TBC1D10A: variants seen among roughly 807,000 people sequenced by gnomAD.
TBC1D10A encodes TBC1 domain family member 10A.
A neutral mutation model predicts 52.9 loss-of-function variants in TBC1D10A; 24 were observed. The observed-to-expected ratio is 0.45, with a 90% CI of 0.33 to 0.64. The LOEUF is 0.64. Ranked by LOEUF, TBC1D10A falls within the 30% of genes least tolerant of loss-of-function variation. The pLI, the probability that TBC1D10A is intolerant of heterozygous loss-of-function variation, is 0.02. For synonymous variants in TBC1D10A, 278 were observed against 282.9 expected, an observed-to-expected ratio of 0.98 and a Z score of 0.17; for missense variants, 602 against 687.9, an observed-to-expected ratio of 0.88 and a Z score of 1.40.
At chr22:30,303,306 T>TAGACAGATAGACAGAC (rs1555973499) in intron 2 of TBC1D10A, among the ~76,000 whole-genome samples, 1 of 148,916 alleles carries the variant, frequency 6.7e-6, no homozygotes, top group African/African-American at 2.5e-5. Flanking sequence ...GATAGATAGA[T>TAGACAGATAGACAGAC]AGACAGACAG....
In TBC1D10A at chr22:30,316,461, G is replaced by T. The variant is rs201723572; in HGVS notation, c.209+10212C>A. ...TTCTCAAAGCACTGTTTTTGTTTTT[G>T]TTTTTTTTTTTTTGAGATAGGGTCT... On this transcript the variant is annotated intron_variant, in intron 1 of 8. Coordinates refer to ENST00000215790, the MANE Select transcript of TBC1D10A (RefSeq NM_031937.3). Among the ~76,000 whole-genome samples, 13 of 143,108 alleles carry T rather than the reference G, an allele frequency of 9.1e-5. 1 individual carries two copies. The highest frequency in any genetic ancestry group is 4.4e-4 in the South Asian group (2 of 4,512). The allele number at this position is 143,108 out of a possible 152,430, so 93.9% of individuals were successfully genotyped here.
chr22:30,321,536 G>A (rs1430692987), intron 1 of TBC1D10A, among the ~76,000 whole-genome samples: 2 of 152,230 alleles, frequency 1.3e-5, no homozygotes, highest in Non-Finnish European at 2.9e-5. Flanking sequence ...GGCTAGTAAT[G>A]AAAGGCCCAG....
At chr22:30,304,793 G>C in intron 1 of TBC1D10A, 163 bp from the exon 2 acceptor site, 1 of 1,337,252 alleles carries the variant, frequency 7.5e-7, no homozygotes, top group Non-Finnish European at 9.8e-7. Context: ...AGATGAGAGG[G>C]AACACGCCAC....
Position 30,292,759 on chromosome 22 carries a change from G to A in TBC1D10A, c.1143C>T (p.Cys381=). The A allele has an allele frequency of 6.2e-7, 1 of 1,611,972 alleles. No individual in the cohort carries two copies. Among genetic ancestry groups the A allele is most frequent in the Non-Finnish European group, 8.5e-7 (1 of 1,179,722 alleles). The change falls in exon 9 of 9, where the codon TGC becomes TGT. Residue 381 remains cysteine, a synonymous_variant. Coordinates refer to ENST00000215790, the MANE Select transcript of TBC1D10A (RefSeq NM_031937.3). The part of the protein sequence containing the change: ...RWQETRGELQ[C]RSPPRLHGAK... ...CACCATGCAGCCTGGGCGGGGAGCG[G>A]CACTGCAGCTCACCCCGGGTCTCCT...
rs544245080 is a variant in TBC1D10A at position 30,322,170 on chromosome 22, G to A, written c.209+4503C>T. Among the ~76,000 whole-genome samples the A allele has an allele frequency of 5.3e-5, 8 of 151,972 alleles. No homozygotes were observed. In the East Asian group the frequency reaches 1.2e-3, roughly 22 times the overall value. On this transcript the variant is annotated intron_variant, in intron 1 of 8. Transcript: ENST00000215790. ...TAATTTTTGTATTTTTAGTAGAGACGGGGTTTCACCATGTTGGCCAGGCTG... is the reference window on the plus strand; with the variant it reads ...TAATTTTTGTATTTTTAGTAGAGACAGGGTTTCACCATGTTGGCCAGGCTG...
At chr22:30,293,277 C>T (rs1929991658) in intron 8 of TBC1D10A, 1 of 603,226 alleles carries the variant, frequency 1.7e-6, no homozygotes, top group African/African-American at 1.8e-5. Context: ...CCTCCATTTC[C>T]TCATGTGTAA....
chr22:30,326,599 C>T (rs1038185073), intron 1 of TBC1D10A, 74 bp downstream of exon 1: 1 of 1,431,628 alleles, frequency 7.0e-7, no homozygotes, highest in Non-Finnish European at 9.3e-7. Flanking sequence ...CGGCAAGTCC[C>T]GAGGGCGCCT....
At chr22:30,300,158 A>G (rs890222317) in intron 2 of TBC1D10A, among the ~76,000 whole-genome samples, 2 of 151,734 alleles carry the variant, frequency 1.3e-5, no homozygotes, top group African/African-American at 4.8e-5. Context: ...ATCAAAATGG[A>G]ACCCTATAGG....
chr22:30,295,678 G>T, intron 4 of TBC1D10A, 59 bp downstream of exon 4: 1 of 1,546,338 alleles, frequency 6.5e-7, no homozygotes, highest in Non-Finnish European at 8.9e-7. Context: ...TACCTCCTTA[G>T]ACCCCTTAGA....
rs538711677 is a variant in TBC1D10A at position 30,302,914 on chromosome 22, TGATGAGGCAG to T, written c.309+1607_309+1616del. 1.7e-4 allele frequency among the ~76,000 whole-genome samples: 26 copies of T among 152,246 alleles called. No homozygotes were observed. The South Asian group carries it at 5.2e-3, about 30-fold the overall frequency. ...CAGCTCACAGTAAGAGCCAGAGGAA[TGATGAGGCAG>T]GGAAACAGAGCCAGAGTCAGGCAGG... On this transcript the variant is annotated intron_variant, in intron 2 of 8. Transcript: ENST00000215790.
Position 30,293,734 on chromosome 22 carries a change from C to T in TBC1D10A, c.967G>A (p.Ala323Thr). ...HALGSPEKVK[A>T]CQGQYETIER... ...ATGGTCTCGTACTGGCCCTGGCAGG[C>T]TTTGACCTTCTCAGGGGAGCCCAGC... Residue 323 changes from alanine to threonine, a missense_variant, in exon 8 of 9, where the codon GCC (alanine) becomes ACC (threonine). Ala to Thr is a moderately conservative substitution (Grantham distance 58). This residue lies in a region of TBC1D10A where 265 missense variants were observed against 275.1 expected (regional missense o/e 0.96). Transcript: ENST00000215790. The T allele has an allele frequency of 6.2e-7, 1 of 1,613,460 alleles. No homozygotes were observed. Among genetic ancestry groups the T allele is most frequent in the Non-Finnish European group, 8.5e-7 (1 of 1,179,808 alleles).
Position 30,293,663 on chromosome 22 carries a change from A to G in TBC1D10A, c.1038T>C (p.Phe346=). The change falls in exon 8 of 9, where the codon TTT becomes TTC. Residue 346 remains phenylalanine, a synonymous_variant. Transcript: ENST00000215790. ...GCATGGGCTGTACCTCCTGGACCAG[A>G]AAGGCCTCCTGCATGATCTTGGGGC... ...SLSPKIMQEA[F]LVQEVVELPV... is the part of the protein sequence containing the mutation. The G allele has an allele frequency of 1.9e-6, 3 of 1,608,972 alleles. No homozygotes were observed. The highest frequency in any genetic ancestry group is 1.1e-5 in the South Asian group (1 of 90,934).
Position 30,292,566 on chromosome 22 carries a change from C to T in TBC1D10A, c.1336G>A (p.Glu446Lys), listed in dbSNP as rs370014538. The change falls in exon 9 of 9, where the codon GAG becomes AAG. Residue 446 changes from glutamate to lysine, a missense_variant. Transcript: ENST00000215790. ...GCTTGATTTGGGGCTGGGGGCTTCT[C>T]CAGCTGCCCTCTCCCCTTCATCTGT... is the stretch of plus-strand genomic sequence containing the variant. ...RKQMKGRGQL[E>K]KPPAPNQAMV... The T allele has an allele frequency of 6.3e-5, 102 of 1,613,544 alleles. No individual in the cohort carries two copies. The Middle Eastern group carries it at 9.9e-4, about 16-fold the overall frequency.
intron 1 of TBC1D10A, among the ~76,000 whole-genome samples, chr22:30,325,372 T>G (rs1298128758): frequency 6.6e-6 from 1 of 152,216 alleles, no homozygotes; most frequent in African/African-American, 2.4e-5. Flanking sequence ...GTTAAAGCGC[T>G]TCCATAAGTC....
Position 30,314,826 on chromosome 22 carries a change from A to C in TBC1D10A, c.210-10196T>G, listed in dbSNP as rs568633508. 1.0e-4 allele frequency among the ~76,000 whole-genome samples: 15 copies of C among 150,178 alleles called. 1 individual carries two copies. In the East Asian group the frequency reaches 2.0e-3, roughly 20 times the overall value. ...ACCCTGACTCAAAAAAAAAAAAAAA[A>C]CCCACCAAAAAAACACAAAAAACCC... On this transcript the variant is annotated intron_variant, in intron 1 of 8. Coordinates refer to ENST00000215790, the MANE Select transcript of TBC1D10A (RefSeq NM_031937.3).
At chr22:30,320,572 G>A (rs185491903) in intron 1 of TBC1D10A, among the ~76,000 whole-genome samples, 54 of 152,216 alleles carry the variant, frequency 3.5e-4, no homozygotes, top group Middle Eastern at 3.4e-3. Context: ...TCTTCAGTAC[G>A]CTCATCCACA....
intron 1 of TBC1D10A, among the ~76,000 whole-genome samples, chr22:30,320,997 T>C (rs1487605208): frequency 6.6e-6 from 1 of 152,230 alleles, no homozygotes; most frequent in Non-Finnish European, 1.5e-5. Context: ...CAGGCCTCAC[T>C]GCCCCTTGGG....
chr22:30,295,865 AG>A (rs766087853), intron 3 of TBC1D10A, 22 bp from the exon 4 acceptor site: 82 of 1,604,042 alleles, frequency 5.1e-5, no homozygotes, highest in Non-Finnish European at 6.6e-5. Context: ...GGCACAAATT[AG>A]GGGCTGGGGA....
intron 4 of TBC1D10A, 106 bp downstream of exon 4, chr22:30,295,631 T>C: frequency 9.4e-7 from 1 of 1,065,378 alleles, no homozygotes; most frequent in Non-Finnish European, 1.4e-6. Flanking sequence ...AAGAGTGGAG[T>C]TGGGGGCACC....
Sources: allele counts gnomAD v4.1 joint callset (sites outside exome capture counted in the v4.1 genomes callset), GRCh38; gene constraint gnomAD v4.1.1; regional missense constraint gnomAD v4.1.1; transcripts MANE v1.5; gene names NCBI Gene and HGNC (gene_info 2026-07-23, HGNC 2026-07-21).